The following RBFOX1 variants were observed in gnomAD, a reference collection of about 807,000 sequenced individuals.
RBFOX1 encodes the protein RNA binding protein fox-1 homolog 1.
Under a neutral mutation model 57.7 loss-of-function variants are expected in RBFOX1, and 8 were observed. The ratio of observed to expected loss-of-function variants is 0.14; its 90% CI spans 0.08 to 0.25. RBFOX1 has a LOEUF of 0.25. RBFOX1 is among the 10% of genes least tolerant of loss of function. RBFOX1 has a pLI of 1.00. For synonymous variants in RBFOX1, 326 were observed against 222.4 expected, an observed-to-expected ratio of 1.47 and a Z score of -4.15; for missense variants, 611 against 548.5, an observed-to-expected ratio of 1.11 and a Z score of -1.14.
chr16:7,486,111 T>C (rs2065300004), intron 4 of RBFOX1, among the ~76,000 whole-genome samples: 1 of 145,818 alleles, frequency 6.9e-6, no homozygotes, highest in South Asian at 2.2e-4. Context: ...ATTTGTGTGT[T>C]TGTGTCTTTT....
At chr16:5,772,612 T>TG (rs1190541980) in intron 3 of RBFOX1, among the ~76,000 whole-genome samples, 1 of 152,096 alleles carries the variant, frequency 6.6e-6, no homozygotes, top group African/African-American at 2.4e-5. Flanking sequence ...TTTGGGCAAG[T>TG]GAGTTGAAAG....
chr16:5,634,229 C>T (rs898529079), intron 3 of RBFOX1, among the ~76,000 whole-genome samples: 2 of 152,184 alleles, frequency 1.3e-5, no homozygotes, highest in African/African-American at 4.8e-5. Context: ...GCTACTGGTT[C>T]AGTACTGGCA....
At chr16:6,545,861 G>A (rs1182203861) in intron 2 of RBFOX1, among the ~76,000 whole-genome samples, 1 of 152,176 alleles carries the variant, frequency 6.6e-6, no homozygotes. Flanking sequence ...GTTAAGAATA[G>A]GGTTTGAATC....
intron 1 of RBFOX1, among the ~76,000 whole-genome samples, chr16:6,098,781 G>A (rs899870514): frequency 1.3e-5 from 2 of 152,132 alleles, no homozygotes; most frequent in Non-Finnish European, 2.9e-5. Context: ...AGTTCCTCAG[G>A]GGACTCTGAG....
intron 4 of RBFOX1, among the ~76,000 whole-genome samples, chr16:7,309,586 TA>T (rs1311730246): frequency 1.3e-5 from 2 of 152,172 alleles, no homozygotes; most frequent in Non-Finnish European, 2.9e-5. Flanking sequence ...GACCCTTGAG[TA>T]ATTCTCCAGT....
chr16:5,528,156 A>C (rs993466667), intron 2 of RBFOX1, among the ~76,000 whole-genome samples: 1 of 152,180 alleles, frequency 6.6e-6, no homozygotes, highest in Non-Finnish European at 1.5e-5. Flanking sequence ...CCAGGGCTGC[A>C]CTTCTGGGTC....
At chr16:7,546,444 A>G (rs1489514589) in intron 5 of RBFOX1, among the ~76,000 whole-genome samples, 2 of 152,316 alleles carry the variant, frequency 1.3e-5, no homozygotes, top group East Asian at 1.9e-4. Flanking sequence ...ATACAACGCA[A>G]TCCCTTATGG....
chr16:6,960,737 A>C (rs571155046), intron 3 of RBFOX1, among the ~76,000 whole-genome samples: 1 of 151,982 alleles, frequency 6.6e-6, no homozygotes, highest in Non-Finnish European at 1.5e-5. Flanking sequence ...TCACCACTGC[A>C]AGAGGGTACA....
chr16:7,237,923 G>T (rs958105966), intron 4 of RBFOX1, among the ~76,000 whole-genome samples: 2 of 152,206 alleles, frequency 1.3e-5, no homozygotes, highest in Non-Finnish European at 2.9e-5. Context: ...AGAATTGCTT[G>T]AACCCTGGAG....
chr16:7,198,449 C>T (rs953171702), intron 4 of RBFOX1, among the ~76,000 whole-genome samples: 2 of 152,292 alleles, frequency 1.3e-5, no homozygotes, highest in South Asian at 4.1e-4. Context: ...TGAATTCCAC[C>T]TCCATTGCAA....
chr16:5,811,489 T>A (rs1392819588), intron 3 of RBFOX1, among the ~76,000 whole-genome samples: 1 of 149,014 alleles, frequency 6.7e-6, no homozygotes, highest in Non-Finnish European at 1.5e-5. Context: ...TCTCATTCTG[T>A]CACCAGGCTG....
At chr16:6,753,396 TA>T (rs1350217364) in intron 3 of RBFOX1, among the ~76,000 whole-genome samples, 2 of 152,188 alleles carry the variant, frequency 1.3e-5, no homozygotes, top group Non-Finnish European at 2.9e-5. Context: ...TAGACTGAGA[TA>T]AAAATTGTGT....
intron 1 of RBFOX1, among the ~76,000 whole-genome samples, chr16:5,424,527 C>CTT (rs34944009): frequency 2.1e-5 from 3 of 144,176 alleles, no homozygotes; most frequent in South Asian, 2.2e-4. Flanking sequence ...TGGCGTTTTA[C>CTT]TTTTTTTTTT....
chr16:7,032,867 C>T (rs550708015), intron 3 of RBFOX1, among the ~76,000 whole-genome samples: 16 of 152,264 alleles, frequency 1.1e-4, no homozygotes, highest in African/African-American at 2.2e-4. Context: ...GTCTAACTTC[C>T]AGATTCTCAA....
At chr16:6,436,978 T>G (rs2094253586) in intron 2 of RBFOX1, among the ~76,000 whole-genome samples, 1 of 152,206 alleles carries the variant, frequency 6.6e-6, no homozygotes, top group South Asian at 2.1e-4. Context: ...ATCCGAGATG[T>G]CTATTTTTGA....
chr16:7,286,882 G>A (rs2095661558), intron 4 of RBFOX1, among the ~76,000 whole-genome samples: 1 of 152,072 alleles, frequency 6.6e-6, no homozygotes, highest in Admixed American at 6.5e-5. Context: ...ACCCGCCTCA[G>A]CCTCCCAGAG....
At chr16:6,850,714 C>G (rs561774398) in intron 3 of RBFOX1, among the ~76,000 whole-genome samples, 2 of 152,084 alleles carry the variant, frequency 1.3e-5, no homozygotes, top group Admixed American at 1.3e-4. Context: ...AATTTGTTGG[C>G]TAAAATAAAG....
In RBFOX1 at chr16:5,982,518, C is replaced by T. The variant is rs369235106; in HGVS notation, c.351+115183C>T. On this transcript the variant is annotated intron_variant, in intron 4 of 19. Coordinates refer to the RBFOX1 transcript ENST00000641259. ...CTTGAACTCCTGACCTCAGGTGATC[C>T]GCCTTCCCCAGCCTCCCAAAGTGCT... Among the ~76,000 whole-genome samples the T allele has an allele frequency of 5.3e-3, 803 of 152,188 alleles. 3 individuals carry two copies. The highest frequency in any genetic ancestry group is 7.2e-3 in the Non-Finnish European group (488 of 68,004).
intron 2 of RBFOX1, among the ~76,000 whole-genome samples, chr16:6,455,159 C>A (rs1244220086): frequency 6.6e-6 from 1 of 151,770 alleles, no homozygotes; most frequent in African/African-American, 2.4e-5. Context: ...TCCCAAAGTG[C>A]TGGGATTACA....
Sources: gnomAD v4.1 joint callset for allele counts (sites outside exome capture counted in the v4.1 genomes callset) on GRCh38, gnomAD v4.1.1 for gene constraint, MANE v1.5 for transcripts, NCBI Gene and HGNC (gene_info 2026-07-23, HGNC 2026-07-21) for gene names.